The following DLG2 variants were observed in gnomAD, a reference collection of about 807,000 sequenced individuals.
DLG2 encodes discs large MAGUK scaffold protein 2.
A neutral mutation model predicts 132.5 loss-of-function variants in DLG2; 45 were observed. The observed-to-expected ratio is 0.34, with a 90% CI of 0.27 to 0.44. The LOEUF (loss-of-function observed/expected upper bound fraction) is 0.44. Among genes scored for constraint, DLG2 ranks in the 20% least tolerant of loss-of-function variants. DLG2 has a pLI of 1.00. For synonymous variants in DLG2, 424 were observed against 419.6 expected (o/e 1.01, Z -0.13); for missense variants, 1,045 against 1,196.9 (o/e 0.87, Z 1.87).
intron 8 of DLG2, among the ~76,000 whole-genome samples, chr11:84,197,572 A>T (rs1474959550): frequency 1.3e-5 from 2 of 152,170 alleles, no homozygotes; most frequent in Non-Finnish European, 2.9e-5. Flanking sequence ...ACACAATTAA[A>T]ATTTTTACAA....
intron 17 of DLG2, among the ~76,000 whole-genome samples, chr11:83,808,145 T>C (rs2046395578): frequency 6.6e-6 from 1 of 152,164 alleles, no homozygotes; most frequent in Non-Finnish European, 1.5e-5. Context: ...CCAGGCATAC[T>C]GTAGTCTTGG....
At chr11:84,263,699 T>C (rs914182212) in intron 7 of DLG2, among the ~76,000 whole-genome samples, 1 of 152,130 alleles carries the variant, frequency 6.6e-6, no homozygotes, top group African/African-American at 2.4e-5. Flanking sequence ...CACCATAATT[T>C]GACACTAGAT....
intron 3 of DLG2, among the ~76,000 whole-genome samples, chr11:85,354,442 A>G (rs1169378663): frequency 1.3e-5 from 2 of 152,082 alleles, no homozygotes; most frequent in East Asian, 3.8e-4. Context: ...AATTTTCACA[A>G]TGTCACCTTC....
chr11:83,559,594 A>C (rs776249116), intron 19 of DLG2, among the ~76,000 whole-genome samples: 10 of 152,182 alleles, frequency 6.6e-5, no homozygotes, highest in Non-Finnish European at 1.3e-4. Context: ...CTTCTCTCTC[A>C]AATTAACAGA....
At chr11:84,004,898 AT>A (rs34001238) in intron 11 of DLG2, among the ~76,000 whole-genome samples, 20 of 143,948 alleles carry the variant, frequency 1.4e-4, no homozygotes, top group South Asian at 6.5e-4. Context: ...TACCAGAGTC[AT>A]TTTTTTTTAC....
chr11:85,191,574 T>C (rs993745265), intron 4 of DLG2, among the ~76,000 whole-genome samples: 2 of 152,290 alleles, frequency 1.3e-5, no homozygotes, highest in Non-Finnish European at 2.9e-5. Context: ...ATTTTCAGGG[T>C]ATGGCAATGG....
At chr11:85,536,875 G>A (rs2075622177) in intron 3 of DLG2, among the ~76,000 whole-genome samples, 1 of 152,192 alleles carries the variant, frequency 6.6e-6, no homozygotes, top group Non-Finnish European at 1.5e-5. Flanking sequence ...CCTCTGGGCT[G>A]CCAGAGTGCC....
At chr11:83,540,006 C>A (rs918287993) in intron 20 of DLG2, among the ~76,000 whole-genome samples, 2 of 152,130 alleles carry the variant, frequency 1.3e-5, no homozygotes, top group Non-Finnish European at 2.9e-5. Flanking sequence ...ATTTGAATCC[C>A]TTTTCTATCT....
At chr11:83,541,917 T>C in intron 19 of DLG2, 59 bp from the exon 20 acceptor site, 3 of 1,493,116 alleles carry the variant, frequency 2.0e-6, no homozygotes, top group Non-Finnish European at 2.7e-6. Flanking sequence ...AGATTTAGGA[T>C]TTATGGTTTC....
intron 6 of DLG2, among the ~76,000 whole-genome samples, chr11:85,083,835 G>T (rs1455425159): frequency 1.3e-5 from 2 of 152,210 alleles, no homozygotes; most frequent in Middle Eastern, 3.4e-3. Flanking sequence ...TAATGTTAAT[G>T]CTGGTCAGTT....
At chr11:84,333,487 C>G (rs2098470420) in intron 7 of DLG2, among the ~76,000 whole-genome samples, 1 of 152,212 alleles carries the variant, frequency 6.6e-6, no homozygotes, top group South Asian at 2.1e-4. Context: ...GAGCTGGCCC[C>G]TTTTCAAAAG....
At chr11:85,292,965 ACATGTAAGCCAGCTTGAAGGGG>A (rs1319397369) in intron 3 of DLG2, among the ~76,000 whole-genome samples, 1 of 152,086 alleles carries the variant, frequency 6.6e-6, no homozygotes, top group African/African-American at 2.4e-5. Flanking sequence ...TATCAAAAGG[ACATGTAAGCCAGCTTGAAGGGG>A]CTCTTAATGA....
chr11:84,490,151 A>C (rs888502135), intron 7 of DLG2, among the ~76,000 whole-genome samples: 5 of 152,166 alleles, frequency 3.3e-5, no homozygotes, highest in African/African-American at 1.2e-4. Context: ...CTGGGAAAGG[A>C]AAGTTCCTTA....
At chr11:84,103,287 C>A (rs1595330939) in intron 9 of DLG2, among the ~76,000 whole-genome samples, 3 of 152,146 alleles carry the variant, frequency 2.0e-5, no homozygotes, top group Non-Finnish European at 4.4e-5. Context: ...GCCTGCTGCT[C>A]TCTATGGCTG....
At chr11:84,506,616 G>C (rs1398768961) in intron 7 of DLG2, among the ~76,000 whole-genome samples, 1 of 152,142 alleles carries the variant, frequency 6.6e-6, no homozygotes, top group East Asian at 1.9e-4. Flanking sequence ...CTTGATTTTA[G>C]TCCAGTAAGG....
chr11:84,691,496 A>G (rs1285054659), intron 6 of DLG2, among the ~76,000 whole-genome samples: 1 of 151,888 alleles, frequency 6.6e-6, no homozygotes, highest in African/African-American at 2.4e-5. Flanking sequence ...CATTTTATAT[A>G]CACTTATACA....
chr11:85,202,717 A>G (rs570288905), intron 4 of DLG2, among the ~76,000 whole-genome samples: 9 of 152,256 alleles, frequency 5.9e-5, no homozygotes, highest in African/African-American at 2.2e-4. Context: ...ACGATGTAAC[A>G]AAAGTGAAAA....
chr11:83,581,449 C>G (rs2096974836), intron 19 of DLG2, among the ~76,000 whole-genome samples: 1 of 151,998 alleles, frequency 6.6e-6, no homozygotes, highest in African/African-American at 2.4e-5. Context: ...TAAAGAATTA[C>G]CCTAAAATAC....
intron 7 of DLG2, among the ~76,000 whole-genome samples, chr11:84,286,695 A>T (rs946298810): frequency 2.0e-5 from 3 of 152,154 alleles, no homozygotes; most frequent in African/African-American, 7.2e-5. Flanking sequence ...CTATTTTTCA[A>T]TAGCCTAAGG....
Sources: allele counts gnomAD v4.1 joint callset (sites outside exome capture counted in the v4.1 genomes callset), GRCh38; gene constraint gnomAD v4.1.1; transcripts MANE v1.5; gene names NCBI Gene and HGNC (gene_info 2026-07-23, HGNC 2026-07-21).